Variants in PI15 observed in about 807,000 individuals in gnomAD.
The protein encoded by PI15 is 25 kDa trypsin inhibitor.
PI15 carries 18 observed loss-of-function variants against 31.0 expected under a neutral mutation model. The ratio of observed to expected loss-of-function variants is 0.58; its 90% CI spans 0.40 to 0.86. PI15 has a LOEUF of 0.86. Among genes scored for constraint, PI15 ranks in the 40% least tolerant of loss-of-function variants. The probability of loss-of-function intolerance (pLI) is 0.00; values close to 1 mark genes in which losing one functional copy is unlikely to be tolerated. For missense variants in PI15, 282 were observed against 328.1 expected (o/e 0.86, Z 1.09); for synonymous variants, 118 against 119.1 (o/e 0.99, Z 0.06).
intron 5 of PI15, 66 bp downstream of exon 5, chr8:74,845,563 G>A: frequency 1.0e-6 from 1 of 976,356 alleles, no homozygotes; most frequent in South Asian, 1.3e-5. Flanking sequence ...TAGGCTGATA[G>A]TTATCTGTGA....
chr8:74,825,162 G>C, intron 1 of PI15, 48 bp from the exon 2 acceptor site: 1 of 1,054,072 alleles, frequency 9.5e-7, no homozygotes, highest in Non-Finnish European at 1.4e-6. Context: ...CATACCCTCT[G>C]GCCCTATTTT....
intron 3 of PI15, 191 bp from the exon 4 acceptor site, chr8:74,844,937 C>T (rs71527276): frequency 0.044 from 25,705 of 581,086 alleles, 758 homozygotes; most frequent in Non-Finnish European, 0.058. Context: ...CAGCCCTGGC[C>T]ATTTCCATGC....
chr8:74,829,305 T>G (rs1176695869), intron 2 of PI15, among the ~76,000 whole-genome samples: 1 of 152,124 alleles, frequency 6.6e-6, no homozygotes, highest in African/African-American at 2.4e-5. Context: ...AAAAACCATA[T>G]AGATAGAACT....
intron 2 of PI15, among the ~76,000 whole-genome samples, chr8:74,829,910 C>T (rs984518699): frequency 2.0e-5 from 3 of 152,040 alleles, no homozygotes; most frequent in Non-Finnish European, 2.9e-5. Flanking sequence ...AGAGAAAAAC[C>T]ATGACACTTG....
At chr8:74,842,051 G>C (rs1027200421) in intron 2 of PI15, among the ~76,000 whole-genome samples, 1 of 151,664 alleles carries the variant, frequency 6.6e-6, no homozygotes, top group Non-Finnish European at 1.5e-5. Flanking sequence ...CACTAAATTA[G>C]TTTCTTTCAA....
At chr8:74,839,820 T>C (rs944534802) in intron 2 of PI15, among the ~76,000 whole-genome samples, 1 of 152,172 alleles carries the variant, frequency 6.6e-6, no homozygotes, top group East Asian at 1.9e-4. Flanking sequence ...CTGTAGAGTA[T>C]ATTAAAGTCA....
Position 74,852,334 on chromosome 8 carries a change from A to C in PI15, c.*3081A>C, listed in dbSNP as rs1343630124. On this transcript the variant is annotated 3_prime_UTR_variant, in exon 6 of 6. Transcript: ENST00000260113. ...ACTGAAAAATTATAATTTTAGAATT[A>C]AACTGATGGATTTCATTATAGAATT... is the stretch of plus-strand genomic sequence containing the variant. 1 of 152,118 alleles carries C rather than the reference A, an allele frequency of 6.6e-6. No homozygotes were observed. The highest frequency in any genetic ancestry group is 2.4e-5 in the African/African-American group (1 of 41,450). 9.4% of individuals were successfully genotyped at this position (152,118 alleles called of 1,614,324 possible).
Position 74,852,805 on chromosome 8 carries a change from G to A in PI15, c.*3552G>A, listed in dbSNP as rs1289732815. 6.6e-6 allele frequency: 1 copy of A among 151,998 alleles called. No homozygotes were observed. Among genetic ancestry groups the A allele is most frequent in the African/African-American group, 2.4e-5 (1 of 41,394 alleles). 9.4% of individuals were successfully genotyped at this position (151,998 alleles called of 1,614,324 possible). On this transcript the variant is annotated 3_prime_UTR_variant, in exon 6 of 6. Coordinates refer to ENST00000260113, the MANE Select transcript of PI15 (RefSeq NM_015886.5). ...TGCACAAGCTAAACATAATTTGAAT[G>A]GGTCTATGAAGGAAAAATAATGCTT...
chr8:74,846,057 A>T (rs1811020761), intron 5 of PI15: 1 of 153,146 alleles, frequency 6.5e-6, no homozygotes, highest in Non-Finnish European at 1.5e-5. Context: ...AGCATTTGGT[A>T]AAATGCCTCT....
Position 74,832,156 on chromosome 8 carries a change from T to C in PI15, c.273+6634T>C, listed in dbSNP as rs148259815. Among the ~76,000 whole-genome samples, 13 of 151,772 alleles carry C rather than the reference T, an allele frequency of 8.6e-5. No individual in the cohort carries two copies. The East Asian group carries it at 2.5e-3, about 29-fold the overall frequency. On this transcript the variant is annotated intron_variant, in intron 2 of 5. Coordinates refer to ENST00000260113, the MANE Select transcript of PI15 (RefSeq NM_015886.5). ...TATGTAAGGTACAAATCCATAGGAGTAAGTGGTTTACATGATGAAGTAGAA... is the reference window on the plus strand; with the variant it reads ...TATGTAAGGTACAAATCCATAGGAGCAAGTGGTTTACATGATGAAGTAGAA...
chr8:74,837,501 A>T (rs1007739860), intron 2 of PI15, among the ~76,000 whole-genome samples: 1 of 152,162 alleles, frequency 6.6e-6, no homozygotes, highest in Admixed American at 6.6e-5. Context: ...TAAATCCGTT[A>T]ATTTTAAAAC....
chr8:74,841,258 A>G (rs1810941197), intron 2 of PI15, among the ~76,000 whole-genome samples: 1 of 152,240 alleles, frequency 6.6e-6, no homozygotes, highest in Non-Finnish European at 1.5e-5. Context: ...ATGATATGGA[A>G]AACGCCAGAA....
chr8:74,825,152 C>G, intron 1 of PI15, 58 bp from the exon 2 acceptor site: 1 of 955,972 alleles, frequency 1.0e-6, no homozygotes, highest in Non-Finnish European at 1.6e-6. Flanking sequence ...TTTGTAAATT[C>G]ATACCCTCTG....
chr8:74,825,755 T>C (rs1029171880), intron 2 of PI15, among the ~76,000 whole-genome samples: 6 of 152,008 alleles, frequency 3.9e-5, no homozygotes, highest in Admixed American at 3.9e-4. Flanking sequence ...AGAATCTATG[T>C]AGACTTTCTT....
In PI15 at chr8:74,849,120, G is replaced by A; in HGVS notation, c.644G>A (p.Gly215Asp). The A allele has an allele frequency of 1.2e-6, 2 of 1,610,278 alleles. No homozygotes were observed. Among genetic ancestry groups the A allele is most frequent in the Non-Finnish European group, 1.7e-6 (2 of 1,178,628 alleles). The change falls in exon 6 of 6, where the codon GGC (glycine) becomes GAC (aspartate). Residue 215 changes from glycine to aspartate, a missense_variant and splice_region_variant. Gly to Asp is a moderately conservative substitution (Grantham distance 94). Coordinates refer to ENST00000260113, the MANE Select transcript of PI15 (RefSeq NM_015886.5). ...VYLVCNYAPK[G>D]NWIGEAPYKV... ...ATCTTTTTTGTTTTCCCTTCTAGGG[G>A]CAATTGGATTGGAGAAGCACCATAT...
At chr8:74,842,270 C>T (rs1810955938) in intron 2 of PI15, among the ~76,000 whole-genome samples, 1 of 152,096 alleles carries the variant, frequency 6.6e-6, no homozygotes, top group African/African-American at 2.4e-5. Flanking sequence ...TTACATACCT[C>T]CTCATATAAG....
chr8:74,828,097 T>C (rs546697144), intron 2 of PI15, among the ~76,000 whole-genome samples: 1 of 152,284 alleles, frequency 6.6e-6, no homozygotes, highest in Admixed American at 6.5e-5. Context: ...AATAGACATC[T>C]TTGGCTCCCT....
At chr8:74,830,615 G>T (rs560797726) in intron 2 of PI15, among the ~76,000 whole-genome samples, 3 of 152,120 alleles carry the variant, frequency 2.0e-5, no homozygotes, top group Non-Finnish European at 4.4e-5. Context: ...ATGTGGAAGA[G>T]AATGTGGAAA....
intron 2 of PI15, among the ~76,000 whole-genome samples, chr8:74,841,456 G>A (rs930987029): frequency 2.0e-5 from 3 of 152,320 alleles, no homozygotes; most frequent in African/African-American, 7.2e-5. Flanking sequence ...GATGACCTTA[G>A]CAGTGGAATT....
Sources: allele counts gnomAD v4.1 joint callset (sites outside exome capture counted in the v4.1 genomes callset), GRCh38; gene constraint gnomAD v4.1.1; transcripts MANE v1.5; gene names NCBI Gene and HGNC (gene_info 2026-07-23, HGNC 2026-07-21).